Variants in PLSCR2 observed in about 807,000 individuals in gnomAD.
The protein encoded by PLSCR2 is PL scramblase 2.
Under a neutral mutation model 25.3 loss-of-function variants are expected in PLSCR2, and 18 were observed. The observed-to-expected ratio is 0.71, with a 90% CI of 0.49 to 1.06. The LOEUF is 1.06. Ranked by LOEUF, PLSCR2 falls within the 50% of genes least tolerant of loss-of-function variation. PLSCR2 has a pLI of 0.00. For synonymous variants in PLSCR2, 88 were observed against 87.3 expected, an observed-to-expected ratio of 1.01 and a Z score of -0.04; for missense variants, 243 against 269.5, an observed-to-expected ratio of 0.90 and a Z score of 0.69.
intron 2 of PLSCR2, among the ~76,000 whole-genome samples, chr3:146,408,129 T>A (rs1477131606): frequency 6.6e-6 from 1 of 151,940 alleles, no homozygotes; most frequent in African/African-American, 2.4e-5. Flanking sequence ...TGGCCTAGAG[T>A]CAACTTATCA....
intron 1 of PLSCR2, among the ~76,000 whole-genome samples, chr3:146,470,854 A>G (rs2042090444): frequency 6.6e-6 from 1 of 152,130 alleles, no homozygotes; most frequent in South Asian, 2.1e-4. Flanking sequence ...TTACTTGACA[A>G]TCTCTTTGCC....
At chr3:146,494,820 G>A (rs2043688611) in intron 1 of PLSCR2, 3 of 152,088 alleles carry the variant, frequency 2.0e-5, no homozygotes, top group African/African-American at 7.2e-5. Flanking sequence ...TCTTAATTTT[G>A]AAAGAAAATT....
chr3:146,478,892 T>C (rs1287850799), intron 1 of PLSCR2, among the ~76,000 whole-genome samples: 1 of 152,160 alleles, frequency 6.6e-6, no homozygotes, highest in East Asian at 1.9e-4. Flanking sequence ...TAACAGCGGA[T>C]CTCTCGGCAG....
chr3:146,454,238 A>G, intron 4 of PLSCR2, 75 bp from the exon 5 acceptor site: 1 of 1,066,674 alleles, frequency 9.4e-7, no homozygotes, highest in Non-Finnish European at 1.3e-6. Context: ...TAATTTACTG[A>G]GCATTTCCTA....
chr3:146,429,890 G>T (rs975171875), downstream of PLSCR2, among the ~76,000 whole-genome samples: 44 of 152,250 alleles, frequency 2.9e-4, no homozygotes, highest in African/African-American at 1.1e-3. Flanking sequence ...CTCCCAAAGT[G>T]CTGGGATTAC....
chr3:146,392,633 A>C, intron 3 of PLSCR2, among the ~76,000 whole-genome samples: 1 of 109,934 alleles, frequency 9.1e-6, no homozygotes. Context: ...TATTTCCTAT[A>C]CTTTCCTTAA....
chr3:146,477,182 G>A (rs1390477098), intron 1 of PLSCR2, among the ~76,000 whole-genome samples: 1 of 152,174 alleles, frequency 6.6e-6, no homozygotes, highest in Non-Finnish European at 1.5e-5. Flanking sequence ...CAGAAGATGG[G>A]GGATTTCTGC....
At position 146,441,825 on chromosome 3, in the gene PLSCR2, G is replaced by C. The variant is rs376966804; in HGVS notation, c.646-4C>G. On this transcript the variant is annotated splice_polypyrimidine_tract_variant and splice_region_variant and intron_variant, in intron 6 of 6. Coordinates refer to ENST00000610787, the Ensembl canonical transcript of PLSCR2. ...TTCTTTCAAAAAACATGTAGTCCTG[G>C]ATAAAAACAAAAATACAGAAATGAA... 1.9e-6 allele frequency: 3 copies of C among 1,572,494 alleles called. No individual in the cohort carries two copies. Among genetic ancestry groups the C allele is most frequent in the Non-Finnish European group, 2.6e-6 (3 of 1,149,256 alleles).
At position 146,404,824 on chromosome 3, in the gene PLSCR2, G is replaced by T. The variant is rs531057062; in HGVS notation, c.101-8903C>A. Among the ~76,000 whole-genome samples, 147 of 148,862 alleles carry T rather than the reference G, an allele frequency of 9.9e-4. 5 individuals are homozygous for T. The highest frequency in any genetic ancestry group is 1.9e-3 in the Non-Finnish European group (126 of 66,610). ...AAGAAATAGGCAAAAAAAAAAAAGG[G>T]GGGGGGTGGTGGTTAACTGGTCCCA... is the stretch of plus-strand genomic sequence containing the variant. On this transcript the variant is annotated intron_variant and NMD_transcript_variant, in intron 2 of 3. Coordinates refer to the PLSCR2 transcript ENST00000463633.
intron 1 of PLSCR2, among the ~76,000 whole-genome samples, chr3:146,483,285 G>A (rs2043194736): frequency 6.9e-6 from 1 of 145,134 alleles, no homozygotes; most frequent in Non-Finnish European, 1.5e-5. Context: ...GTGAACGGGG[G>A]GTGGGGGGCT....
upstream of PLSCR2, chr3:146,461,912 A>G: frequency 6.6e-7 from 1 of 1,515,878 alleles, no homozygotes; most frequent in Non-Finnish European, 8.8e-7. Context: ...CCAGTACTGG[A>G]ATTTACAAGG....
intron 1 of PLSCR2, among the ~76,000 whole-genome samples, chr3:146,480,668 G>A (rs1430250140): frequency 6.6e-6 from 1 of 152,138 alleles, no homozygotes; most frequent in South Asian, 2.1e-4. Context: ...AGAGGAGATG[G>A]TACCATTCCT....
intron 6 of PLSCR2, among the ~76,000 whole-genome samples, chr3:146,446,368 T>G (rs2040554042): frequency 6.6e-6 from 1 of 152,170 alleles, no homozygotes; most frequent in Non-Finnish European, 1.5e-5. Context: ...CCACATATAC[T>G]TTAGTGGATA....
chr3:146,463,405 T>C (rs530955133), upstream of PLSCR2, among the ~76,000 whole-genome samples: 1 of 152,176 alleles, frequency 6.6e-6, no homozygotes, highest in East Asian at 1.9e-4. Context: ...TCTGCCCGCG[T>C]CGGCCTCCCA....
intron 3 of PLSCR2, among the ~76,000 whole-genome samples, chr3:146,455,849 T>C (rs991044753): frequency 7.2e-5 from 11 of 152,124 alleles, no homozygotes; most frequent in African/African-American, 2.4e-4. Context: ...TATAGGATGA[T>C]TGCAAAAAAT....
chr3:146,472,442 A>G (rs1423852834), intron 1 of PLSCR2, among the ~76,000 whole-genome samples: 3 of 152,210 alleles, frequency 2.0e-5, no homozygotes, highest in African/African-American at 7.2e-5. Context: ...CTTATAAACA[A>G]CAGAAAGTTA....
At chr3:146,432,446 T>C (rs2039580476), downstream of PLSCR2, among the ~76,000 whole-genome samples, 1 of 152,120 alleles carries the variant, frequency 6.6e-6, no homozygotes, top group Admixed American at 6.6e-5. Flanking sequence ...GCCTGAGATG[T>C]GATACAGTTC....
At chr3:146,425,824 CT>C (rs2039325104) in intron 2 of PLSCR2, among the ~76,000 whole-genome samples, 1 of 151,992 alleles carries the variant, frequency 6.6e-6, no homozygotes, top group Non-Finnish European at 1.5e-5. Flanking sequence ...GATGAAGAAC[CT>C]ATTATTTGAA....
At chr3:146,450,868 CAAG>C (rs1466343104) in intron 5 of PLSCR2, among the ~76,000 whole-genome samples, 1 of 151,578 alleles carries the variant, frequency 6.6e-6, no homozygotes, top group African/African-American at 2.4e-5. Flanking sequence ...CAAATTTATG[CAAG>C]AAGTAGAAAA....
Sources: allele counts gnomAD v4.1 joint callset (sites outside exome capture counted in the v4.1 genomes callset), GRCh38; gene constraint gnomAD v4.1.1; transcripts MANE v1.5; gene names NCBI Gene and HGNC (gene_info 2026-07-23, HGNC 2026-07-21).